Variants in PAK5 observed in about 807,000 individuals in gnomAD.
PAK5 encodes the protein p21 (RAC1) activated kinase 5.
PAK5 carries 16 observed loss-of-function variants against 65.9 expected under a neutral mutation model. The ratio of observed to expected loss-of-function variants is 0.24; its 90% confidence interval spans 0.16 to 0.37. The LOEUF is 0.37. Among genes scored for constraint, PAK5 ranks in the 10% least tolerant of loss-of-function variants. PAK5 has a pLI of 1.00. For synonymous variants in PAK5, 371 were observed against 354.9 expected (o/e 1.05, Z -0.51); for missense variants, 785 against 903.9 (o/e 0.87, Z 1.69).
At chr20:9,685,831 T>G (rs1304260737) in intron 2 of PAK5, among the ~76,000 whole-genome samples, 1 of 152,210 alleles carries the variant, frequency 6.6e-6, no homozygotes, top group Non-Finnish European at 1.5e-5. Flanking sequence ...ACTTATCTAC[T>G]GAACATGTCA....
chr20:9,616,164 T>C (rs1320090897), intron 3 of PAK5, among the ~76,000 whole-genome samples: 1 of 152,244 alleles, frequency 6.6e-6, no homozygotes, highest in Non-Finnish European at 1.5e-5. Context: ...ATTGTACTTC[T>C]ACCTGGAAGC....
At chr20:9,801,991 T>C (rs2049174378) in intron 1 of PAK5, among the ~76,000 whole-genome samples, 2 of 152,102 alleles carry the variant, frequency 1.3e-5, no homozygotes, top group African/African-American at 4.8e-5. Context: ...ACCAGTAAGG[T>C]TGGCTGATTT....
chr20:9,703,111 T>C (rs1234157458), intron 2 of PAK5, among the ~76,000 whole-genome samples: 3 of 152,170 alleles, frequency 2.0e-5, no homozygotes, highest in South Asian at 2.1e-4. Context: ...AGACCCTTTA[T>C]TGAGACTGTC....
At chr20:9,822,927 G>A (rs950244069) in intron 1 of PAK5, among the ~76,000 whole-genome samples, 1 of 152,140 alleles carries the variant, frequency 6.6e-6, no homozygotes, top group Admixed American at 6.5e-5. Context: ...CCATTTCCCA[G>A]TTCCTCTATT....
At chr20:9,739,546 T>A (rs1015978499) in intron 1 of PAK5, among the ~76,000 whole-genome samples, 1 of 152,192 alleles carries the variant, frequency 6.6e-6, no homozygotes, top group African/African-American at 2.4e-5. Context: ...GACAGTGCCA[T>A]TTTTAATTTA....
chr20:9,821,827 T>C (rs1475989254), intron 1 of PAK5, among the ~76,000 whole-genome samples: 1 of 152,258 alleles, frequency 6.6e-6, no homozygotes, highest in Non-Finnish European at 1.5e-5. Context: ...TTGGGGTTTC[T>C]TGCAAGACAG....
chr20:9,827,611 G>A (rs1410300096), intron 1 of PAK5, among the ~76,000 whole-genome samples: 1 of 151,940 alleles, frequency 6.6e-6, no homozygotes, highest in Non-Finnish European at 1.5e-5. Context: ...CCATGTGGGA[G>A]GATTTTGGGG....
At chr20:9,715,929 G>T (rs557706647) in intron 1 of PAK5, among the ~76,000 whole-genome samples, 1 of 151,732 alleles carries the variant, frequency 6.6e-6, no homozygotes, top group African/African-American at 2.4e-5. Context: ...ATAGCATTAG[G>T]AGATATACCT....
At chr20:9,650,612 T>C (rs998978325) in intron 2 of PAK5, among the ~76,000 whole-genome samples, 1 of 152,216 alleles carries the variant, frequency 6.6e-6, no homozygotes, top group African/African-American at 2.4e-5. Context: ...AGATGTGACA[T>C]CTTCCTGCAG....
At chr20:9,713,147 T>C (rs2423435) in intron 1 of PAK5, among the ~76,000 whole-genome samples, 58,212 of 151,946 alleles carry the variant, frequency 0.38, 12,236 homozygotes, top group South Asian at 0.53. Context: ...CCAGGATATA[T>C]TAGAAACTCA....
At chr20:9,630,772 C>T (rs1156736399) in intron 3 of PAK5, among the ~76,000 whole-genome samples, 1 of 152,190 alleles carries the variant, frequency 6.6e-6, no homozygotes, top group Non-Finnish European at 1.5e-5. Context: ...GAAATGTAAT[C>T]AGGGAACTCC....
At chr20:9,660,357 T>C (rs543412891) in intron 2 of PAK5, among the ~76,000 whole-genome samples, 2 of 117,354 alleles carry the variant, frequency 1.7e-5, no homozygotes, top group African/African-American at 5.4e-5. Context: ...TCTCTTCCCT[T>C]AGGGCTCTCT....
chr20:9,732,285 T>G (rs546343565), intron 1 of PAK5, among the ~76,000 whole-genome samples: 1 of 152,348 alleles, frequency 6.6e-6, no homozygotes, highest in South Asian at 2.1e-4. Flanking sequence ...TCAGTAATAC[T>G]TAAAGTGTGC....
chr20:9,771,380 T>G (rs2048830644), intron 1 of PAK5, among the ~76,000 whole-genome samples: 1 of 151,898 alleles, frequency 6.6e-6, no homozygotes, highest in Non-Finnish European at 1.5e-5. Context: ...TAGCGGAGTG[T>G]CAAGAAAGAG....
intron 3 of PAK5, among the ~76,000 whole-genome samples, chr20:9,633,027 G>T (rs12480230): frequency 0.059 from 8,952 of 152,176 alleles, 314 homozygotes; most frequent in Non-Finnish European, 0.083. Flanking sequence ...TGAAAAGGCT[G>T]GTATGGGGCT....
chr20:9,614,997 A>T (rs1394706977), intron 3 of PAK5, among the ~76,000 whole-genome samples: 1 of 152,260 alleles, frequency 6.6e-6, no homozygotes, highest in Non-Finnish European at 1.5e-5. Context: ...ATGTATTAAC[A>T]TATATACAAA....
chr20:9,612,761 C>T (rs554753134), intron 3 of PAK5, among the ~76,000 whole-genome samples: 3 of 152,262 alleles, frequency 2.0e-5, no homozygotes, highest in Admixed American at 6.5e-5. Flanking sequence ...GGCGCTCCCT[C>T]AACCCATTCT....
intron 1 of PAK5, among the ~76,000 whole-genome samples, chr20:9,825,366 G>A (rs1393274039): frequency 3.3e-5 from 5 of 152,108 alleles, no homozygotes; most frequent in Non-Finnish European, 5.9e-5. Flanking sequence ...TGCCCTGGGT[G>A]ATTCCAATAT....
At chr20:9,679,912 C>T (rs1600233530) in intron 2 of PAK5, among the ~76,000 whole-genome samples, 6 of 152,288 alleles carry the variant, frequency 3.9e-5, no homozygotes, top group Admixed American at 3.9e-4. Flanking sequence ...CATGAAGGTG[C>T]CATGTGCATC....
Sources: allele counts gnomAD v4.1 joint callset (sites outside exome capture counted in the v4.1 genomes callset), GRCh38; gene constraint gnomAD v4.1.1; transcripts MANE v1.5; gene names NCBI Gene and HGNC (gene_info 2026-07-23, HGNC 2026-07-21).